CCDC171: variants seen among roughly 807,000 people sequenced by gnomAD.
CCDC171 encodes the protein coiled-coil domain containing 171, also known as coiled-coil domain-containing protein 171.
Under a neutral mutation model 168.2 loss-of-function variants are expected in CCDC171, and 177 were observed. That is an observed-to-expected ratio of 1.05 (90% CI 0.93 to 1.19). The LOEUF (loss-of-function observed/expected upper bound fraction) is 1.19, where lower values mean the gene tolerates loss of function less well. Ranked by LOEUF, CCDC171 falls within the 50% of genes most tolerant of loss-of-function variation. CCDC171 has a pLI of 0.00. For missense variants in CCDC171, 1,991 were observed against 1,539.0 expected, an observed-to-expected ratio of 1.29 and a Z score of -4.91; for synonymous variants, 687 against 540.8, an observed-to-expected ratio of 1.27 and a Z score of -3.75.
intron 6 of CCDC171, among the ~76,000 whole-genome samples, chr9:16,033,267 A>C (rs1036838558): frequency 6.6e-6 from 1 of 152,216 alleles, no homozygotes; most frequent in African/African-American, 2.4e-5. Flanking sequence ...AACTGGTACC[A>C]GTCCGTGGCC....
chr9:15,751,440 G>A (rs114642051), intron 18 of CCDC171, among the ~76,000 whole-genome samples: 6,913 of 152,162 alleles, frequency 0.045, 344 homozygotes, highest in South Asian at 0.12. Flanking sequence ...AATTTCATAC[G>A]GAACCAAGAA....
chr9:15,743,138 C>CTTTTTTTTTTTTTT, intron 16 of CCDC171, among the ~76,000 whole-genome samples: 1 of 73,264 alleles, frequency 1.4e-5, no homozygotes, highest in African/African-American at 5.7e-5. Flanking sequence ...CTGTTACCTT[C>CTTTTTTTTTTTTTT]TTTTTTTTTT....
At chr9:15,622,451 T>C (rs2044583265) in intron 6 of CCDC171, among the ~76,000 whole-genome samples, 1 of 152,192 alleles carries the variant, frequency 6.6e-6, no homozygotes. Flanking sequence ...TAATGGTATC[T>C]TTTGAGTGGC....
At chr9:15,884,948 C>T (rs528065759) in intron 24 of CCDC171, among the ~76,000 whole-genome samples, 2 of 152,180 alleles carry the variant, frequency 1.3e-5, no homozygotes, top group South Asian at 4.2e-4. Flanking sequence ...TCAACATGTG[C>T]CTTCAAAAAA....
At chr9:15,566,352 G>C (rs567510993) in intron 2 of CCDC171, among the ~76,000 whole-genome samples, 89 of 152,202 alleles carry the variant, frequency 5.8e-4, no homozygotes, top group African/African-American at 2.0e-3. Context: ...GAGCCCAGGA[G>C]TTCGAGACCA....
At chr9:16,065,167 A>C (rs934004778), downstream of CCDC171, among the ~76,000 whole-genome samples, 5 of 152,142 alleles carry the variant, frequency 3.3e-5, no homozygotes, top group African/African-American at 1.2e-4. Flanking sequence ...TTGCTGATAA[A>C]ATTTTCATAA....
intron 7 of CCDC171, among the ~76,000 whole-genome samples, chr9:15,652,928 C>G (rs1265978447): frequency 6.6e-6 from 1 of 152,078 alleles, no homozygotes; most frequent in Non-Finnish European, 1.5e-5. Flanking sequence ...CTAAGAACAT[C>G]CTGTGGGACT....
chr9:15,557,331 G>C (rs202217920), intron 1 of CCDC171, among the ~76,000 whole-genome samples: 3 of 152,014 alleles, frequency 2.0e-5, no homozygotes, highest in East Asian at 1.9e-4. Context: ...TTACCTTGGG[G>C]AGTATGGCCA....
chr9:15,597,798 T>A (rs781315355), intron 6 of CCDC171, among the ~76,000 whole-genome samples: 105 of 152,148 alleles, frequency 6.9e-4, no homozygotes, highest in Non-Finnish European at 1.0e-3. Context: ...GTTGGTAAGC[T>A]ATTAATTATT....
At chr9:16,057,503 C>T (rs145156897) in intron 1 of CCDC171, among the ~76,000 whole-genome samples, 6 of 152,208 alleles carry the variant, frequency 3.9e-5, no homozygotes, top group Non-Finnish European at 7.4e-5. Flanking sequence ...GCTTCTAGAG[C>T]TATTGTAAGA....
intron 25 of CCDC171, among the ~76,000 whole-genome samples, chr9:15,957,005 A>T (rs889855261): frequency 6.7e-6 from 1 of 149,124 alleles, no homozygotes; most frequent in East Asian, 2.0e-4. Context: ...CTGACTTGAA[A>T]TTTAACTTTA....
chr9:15,840,643 C>T (rs1448560300), intron 21 of CCDC171, among the ~76,000 whole-genome samples: 1 of 152,090 alleles, frequency 6.6e-6, no homozygotes, highest in African/African-American at 2.4e-5. Context: ...GCTTTATACT[C>T]AGAAAACATT....
At chr9:16,010,191 C>G (rs1028174788) in intron 3 of CCDC171, among the ~76,000 whole-genome samples, 1 of 152,110 alleles carries the variant, frequency 6.6e-6, no homozygotes, top group Non-Finnish European at 1.5e-5. Context: ...GGTTTTGCCT[C>G]TCCATGGTAC....
intron 3 of CCDC171, among the ~76,000 whole-genome samples, chr9:15,996,202 T>G (rs1036460873): frequency 6.6e-6 from 1 of 152,154 alleles, no homozygotes; most frequent in Non-Finnish European, 1.5e-5. Context: ...TTTGACATTT[T>G]GAACAGTTTA....
At chr9:16,094,966 T>C in the CCDC171 span, among the ~76,000 whole-genome samples, 4 of 152,098 alleles carry the variant, frequency 2.6e-5, no homozygotes, top group Non-Finnish European at 5.9e-5. Flanking sequence ...GATCTGGTTG[T>C]TTAAGTGGGT....
At chr9:16,107,826 G>A in the CCDC171 span, among the ~76,000 whole-genome samples, 6 of 152,038 alleles carry the variant, frequency 3.9e-5, no homozygotes, top group South Asian at 2.1e-4. Flanking sequence ...AATCATTTTC[G>A]GAGACTGAGT....
At chr9:15,819,662 C>T (rs1269543748) in intron 21 of CCDC171, among the ~76,000 whole-genome samples, 1 of 117,198 alleles carries the variant, frequency 8.5e-6, no homozygotes, top group Non-Finnish European at 1.9e-5. Context: ...TATATGCACC[C>T]AATACAGGAA....
chr9:16,027,667 C>T (rs899101347), intron 6 of CCDC171, among the ~76,000 whole-genome samples: 12 of 152,100 alleles, frequency 7.9e-5, no homozygotes, highest in African/African-American at 1.4e-4. Flanking sequence ...GCCTGGTGCA[C>T]GGCACAAAAC....
At chr9:15,825,843 A>G (rs34571951) in intron 21 of CCDC171, among the ~76,000 whole-genome samples, 6 of 152,196 alleles carry the variant, frequency 3.9e-5, no homozygotes, top group Non-Finnish European at 7.4e-5. Context: ...TCAGTTCAGT[A>G]TTGGTGGTAG....
Sources: gnomAD v4.1 joint callset for allele counts (sites outside exome capture counted in the v4.1 genomes callset) on GRCh38, gnomAD v4.1.1 for gene constraint, MANE v1.5 for transcripts, NCBI Gene and HGNC (gene_info 2026-07-23, HGNC 2026-07-21) for gene names.